The following VPS26C variants were observed in gnomAD, a reference collection of about 807,000 sequenced individuals.
The protein encoded by VPS26C is VPS26 endosomal protein sorting factor C.
Under a neutral mutation model 30.6 loss-of-function variants are expected in VPS26C, and 19 were observed. The observed-to-expected ratio is 0.62, with a 90% CI of 0.43 to 0.91. The LOEUF (loss-of-function observed/expected upper bound fraction) is 0.91, where lower values mean the gene tolerates loss of function less well. Ranked by LOEUF, VPS26C falls within the 40% of genes least tolerant of loss-of-function variation. The pLI is 0.00. For missense variants in VPS26C, 318 were observed against 385.1 expected (o/e 0.83, Z 1.46); for synonymous variants, 132 against 151.5 (o/e 0.87, Z 0.95).
chr21:37,249,368 G>C (rs2086169270), intron 1 of VPS26C, among the ~76,000 whole-genome samples: 1 of 151,922 alleles, frequency 6.6e-6, no homozygotes, highest in Admixed American at 6.6e-5. Context: ...ATGACAGCTG[G>C]GTACAAAATT....
rs762842167 is a variant in VPS26C at position 37,267,287 on chromosome 21, G to A, written c.8C>T (p.Thr3Ile). The A allele has an allele frequency of 1.2e-6, 2 of 1,612,130 alleles. No individual in the cohort carries two copies. Among genetic ancestry groups the A allele is most frequent in the Admixed American group, 3.3e-5 (2 of 59,926 alleles). Residue 3 changes from threonine to isoleucine, a missense_variant, in exon 1 of 8, where the codon ACC (threonine) becomes ATC (isoleucine). By Grantham distance (89) the Thr-to-Ile change is moderately conservative. Coordinates refer to ENST00000309117, the MANE Select transcript of VPS26C (RefSeq NM_006052.2). ...TCTTTTAATCTTGATGTCCAGGGCG[G>A]TCCCCATCTCCAATTCTCCGCAGCA... is the stretch of plus-strand genomic sequence containing the variant. MGTALDIKIKRAN... is the reference protein window; with the variant it reads MGIALDIKIKRAN...
chr21:37,258,647 T>C (rs930242424), intron 1 of VPS26C, among the ~76,000 whole-genome samples: 1 of 152,024 alleles, frequency 6.6e-6, no homozygotes, highest in Non-Finnish European at 1.5e-5. Flanking sequence ...GACTCCTAGA[T>C]GACATAACGG....
chr21:37,244,421 T>C (rs1306590874), intron 1 of VPS26C, among the ~76,000 whole-genome samples: 1 of 152,244 alleles, frequency 6.6e-6, no homozygotes, highest in East Asian at 1.9e-4. Context: ...GTATTGTTAG[T>C]AGGGTTTCAC....
chr21:37,262,122 C>T lies in VPS26C; in HGVS notation c.57+5116G>A, dbSNP rs2086310886. Among the ~76,000 whole-genome samples the T allele has an allele frequency of 2.0e-5, 3 of 152,050 alleles. No individual in the cohort carries two copies. The South Asian group carries it at 6.2e-4, about 32-fold the overall frequency. ...AGAAATATTTTGGAAAGACAGTCAA[C>T]CTAAGTCACATTAAAAAACTGCTGT... On this transcript the variant is annotated intron_variant, in intron 1 of 7. Coordinates refer to ENST00000309117, the MANE Select transcript of VPS26C (RefSeq NM_006052.2).
At chr21:37,228,487 C>A in intron 5 of VPS26C, 114 bp from the exon 6 acceptor site, 1 of 1,155,626 alleles carries the variant, frequency 8.7e-7, no homozygotes, top group Non-Finnish European at 1.2e-6. Flanking sequence ...CACAGTCCAC[C>A]GGGACCGTCT....
At chr21:37,259,733 C>G (rs556937858) in intron 1 of VPS26C, among the ~76,000 whole-genome samples, 1 of 152,260 alleles carries the variant, frequency 6.6e-6, no homozygotes, top group East Asian at 1.9e-4. Context: ...TCCGTATGTT[C>G]TCCTTGGTCA....
Position 37,225,518 on chromosome 21 carries a change from C to A in VPS26C, c.*26G>T, listed in dbSNP as rs534369129. On this transcript the variant is annotated 3_prime_UTR_variant, in exon 8 of 8. Transcript: ENST00000309117. ...AGCTGGATTTCCAGATGGCCACTCC[C>A]GTTCTCTATGCTTCCCTCCTCCGGG... 6.2e-7 allele frequency: 1 copy of A among 1,604,486 alleles called. No homozygotes were observed. Among genetic ancestry groups the A allele is most frequent in the South Asian group, 1.1e-5 (1 of 90,830 alleles).
Position 37,224,202 on chromosome 21 carries a change from CAT to C in VPS26C, c.*1340_*1341del, listed in dbSNP as rs1491166822. 1.3e-5 allele frequency: 2 copies of C among 152,254 alleles called. No homozygotes were observed. The highest frequency in any genetic ancestry group is 4.8e-5 in the African/African-American group (2 of 41,440). 9.4% of individuals were successfully genotyped at this position (152,254 alleles called of 1,614,324 possible). On this transcript the variant is annotated 3_prime_UTR_variant, in exon 8 of 8. Coordinates refer to ENST00000309117, the MANE Select transcript of VPS26C (RefSeq NM_006052.2). ...CCCAGTAACAACAGGAGCAAACATA[CAT>C]GTTTTCCCCTCATGTAACTTTGCAT... is the stretch of plus-strand genomic sequence containing the variant.
chr21:37,241,109 A>G (rs1029990761), intron 1 of VPS26C, among the ~76,000 whole-genome samples: 7 of 152,236 alleles, frequency 4.6e-5, no homozygotes, highest in Non-Finnish European at 8.8e-5. Flanking sequence ...CTGCAAATGC[A>G]TGAGTAATTT....
chr21:37,258,018 G>A (rs1178496315), intron 1 of VPS26C, among the ~76,000 whole-genome samples: 1 of 152,330 alleles, frequency 6.6e-6, no homozygotes, highest in South Asian at 2.1e-4. Context: ...TGGCGGAGAT[G>A]AGACCCTCGT....
At chr21:37,227,495 C>T in intron 7 of VPS26C, 159 bp downstream of exon 7, 4 of 803,768 alleles carry the variant, frequency 5.0e-6, no homozygotes, top group Non-Finnish European at 7.8e-6. Context: ...TGTTGAGCAG[C>T]CGAAGGGCAG....
intron 1 of VPS26C, among the ~76,000 whole-genome samples, chr21:37,265,079 A>G (rs1799329157): frequency 6.6e-6 from 1 of 152,210 alleles, no homozygotes; most frequent in African/African-American, 2.4e-5. Flanking sequence ...AAATGTCAAG[A>G]ATAGGCAACT....
chr21:37,227,385 G>T (rs2085911541), intron 7 of VPS26C: 1 of 478,704 alleles, frequency 2.1e-6, no homozygotes, highest in Admixed American at 3.4e-5. Flanking sequence ...CACTGATGTG[G>T]GTCTGTGTGT....
At chr21:37,236,749 G>A (rs898514711) in intron 3 of VPS26C, among the ~76,000 whole-genome samples, 1 of 152,224 alleles carries the variant, frequency 6.6e-6, no homozygotes, top group Admixed American at 6.5e-5. Flanking sequence ...CGGTGAGATA[G>A]TTGGGGAGGT....
At chr21:37,243,544 GGTGA>G (rs1408297311) in intron 1 of VPS26C, among the ~76,000 whole-genome samples, 3 of 152,102 alleles carry the variant, frequency 2.0e-5, no homozygotes, top group African/African-American at 7.2e-5. Context: ...CCCTCTTCAG[GGTGA>G]GTAAAGGAAA....
intron 1 of VPS26C, among the ~76,000 whole-genome samples, chr21:37,254,877 A>C (rs2086227262): frequency 6.6e-6 from 1 of 151,842 alleles, no homozygotes; most frequent in Admixed American, 6.6e-5. Context: ...ATCACGTGTT[A>C]ATTAAGCAGT....
At position 37,238,577 on chromosome 21, in the gene VPS26C, C is replaced by A; in HGVS notation, c.234G>T (p.Met78Ile). The A allele has an allele frequency of 1.2e-6, 2 of 1,614,160 alleles. No individual in the cohort carries two copies. Among genetic ancestry groups the A allele is most frequent in the Non-Finnish European group, 8.5e-7 (1 of 1,180,028 alleles). Residue 78 changes from methionine to isoleucine, a missense_variant, in exon 3 of 8, where the codon ATG (methionine) becomes ATT (isoleucine). By Grantham distance (10) the Met-to-Ile change is conservative. Coordinates refer to ENST00000309117, the MANE Select transcript of VPS26C (RefSeq NM_006052.2). ...CGCTGGGAAATTTCCCCGGCTTCAC[C>A]ATTTCTATGGTGCTGTTGATAATCT... ...PIQIINSTIE[M>I]VKPGKFPSGK...
At position 37,225,250 on chromosome 21, in the gene VPS26C, A is replaced by C; in HGVS notation, c.*294T>G. On this transcript the variant is annotated 3_prime_UTR_variant, in exon 8 of 8. Coordinates refer to ENST00000309117, the MANE Select transcript of VPS26C (RefSeq NM_006052.2). Reference sequence around the variant, plus strand: ...GTCACAATTGTTTTACTGTACCTAAAAAGGAACAGATAAGGCAAGAGCCAC... The same window carrying C: ...GTCACAATTGTTTTACTGTACCTAACAAGGAACAGATAAGGCAAGAGCCAC... 2.4e-6 allele frequency: 1 copy of C among 422,480 alleles called. No individual in the cohort carries two copies. The highest frequency in any genetic ancestry group is 4.4e-6 in the Non-Finnish European group (1 of 227,512). The allele number at this position is 422,480 out of a possible 1,614,324, so 26.2% of individuals were successfully genotyped here.
At chr21:37,231,138 A>G (rs1178128958) in intron 5 of VPS26C, among the ~76,000 whole-genome samples, 3 of 152,200 alleles carry the variant, frequency 2.0e-5, no homozygotes, top group African/African-American at 7.2e-5. Context: ...CACCACACAC[A>G]TTAGATCCTC....
Sources: allele counts gnomAD v4.1 joint callset (sites outside exome capture counted in the v4.1 genomes callset), GRCh38; gene constraint gnomAD v4.1.1; transcripts MANE v1.5; gene names NCBI Gene and HGNC (gene_info 2026-07-23, HGNC 2026-07-21).